SLC28A2: variants seen among roughly 807,000 people sequenced by gnomAD.
SLC28A2 encodes the protein sodium/nucleoside cotransporter 2.
SLC28A2 carries 69 observed loss-of-function variants against 72.9 expected under a neutral mutation model. The observed-to-expected ratio is 0.95, with a 90% CI of 0.78 to 1.16. The LOEUF is 1.16. SLC28A2 is among the 50% of genes most tolerant of loss of function. The pLI is 0.00. For synonymous variants in SLC28A2, 296 were observed against 294.1 expected, an observed-to-expected ratio of 1.01 and a Z score of -0.07; for missense variants, 745 against 791.1, an observed-to-expected ratio of 0.94 and a Z score of 0.70.
At chr15:45,259,183 A>G (rs1900070826) in intron 3 of SLC28A2, among the ~76,000 whole-genome samples, 1 of 152,194 alleles carries the variant, frequency 6.6e-6, no homozygotes, top group Admixed American at 6.5e-5. Flanking sequence ...ATGATGAAAT[A>G]CAAACAAGAG....
At chr15:45,273,498 T>C (rs1276256347) in intron 17 of SLC28A2, among the ~76,000 whole-genome samples, 2 of 152,166 alleles carry the variant, frequency 1.3e-5, no homozygotes, top group African/African-American at 4.8e-5. Context: ...GGTGGTGATA[T>C]ATGCGTGAGT....
At chr15:45,270,685 TG>T (rs1203436589) in intron 15 of SLC28A2, among the ~76,000 whole-genome samples, 1 of 152,072 alleles carries the variant, frequency 6.6e-6, no homozygotes, top group Non-Finnish European at 1.5e-5. Flanking sequence ...TGGAGTGCAG[TG>T]GTGTGATCTC....
chr15:45,264,644 A>G lies in SLC28A2; in HGVS notation c.589-11A>G. ...GAACTCACATTGAAATAATATTCTTATTGATCCTAGGTGTCCTGGAGGACA... is the reference window on the plus strand; with the variant it reads ...GAACTCACATTGAAATAATATTCTTGTTGATCCTAGGTGTCCTGGAGGACA... On this transcript the variant is annotated splice_polypyrimidine_tract_variant and intron_variant, in intron 6 of 17. Transcript: ENST00000347644. 1 of 1,550,794 alleles carries G rather than the reference A, an allele frequency of 6.4e-7. No homozygotes were observed. The highest frequency in any genetic ancestry group is 8.9e-7 in the Non-Finnish European group (1 of 1,122,622).
intron 4 of SLC28A2, among the ~76,000 whole-genome samples, chr15:45,262,840 C>T (rs1292834103): frequency 6.6e-6 from 1 of 152,182 alleles, no homozygotes; most frequent in Non-Finnish European, 1.5e-5. Flanking sequence ...AATATGCAGT[C>T]TTTGCATTAA....
At chr15:45,269,603 A>C in intron 14 of SLC28A2, 68 bp downstream of exon 14, 5 of 1,420,662 alleles carry the variant, frequency 3.5e-6, no homozygotes, top group Middle Eastern at 1.8e-4. Context: ...GGTAGACAGA[A>C]AGTGCCAAAC....
intron 17 of SLC28A2, 77 bp downstream of exon 17, chr15:45,272,861 G>A (rs1255879603): frequency 1.3e-6 from 1 of 773,618 alleles, no homozygotes; most frequent in Admixed American, 1.9e-5. Flanking sequence ...AGGTTGCATA[G>A]AGTGTATAAG....
At position 45,265,793 on chromosome 15, in the gene SLC28A2, C is replaced by T; in HGVS notation, c.861+130C>T. 5.6e-6 allele frequency: 4 copies of T among 719,860 alleles called. No homozygotes were observed. The South Asian group carries it at 6.1e-5, about 11-fold the overall frequency. 44.6% of individuals were successfully genotyped at this position (719,860 alleles called of 1,614,324 possible). Reference sequence around the variant, plus strand: ...GAAAAGGCAGGCCCTCTCAAGCATGCCTGATAGCAAACTGTCAGCCGAGGC... The same window carrying T: ...GAAAAGGCAGGCCCTCTCAAGCATGTCTGATAGCAAACTGTCAGCCGAGGC... On this transcript the variant is annotated intron_variant, in intron 9 of 17. Transcript: ENST00000347644.
Position 45,272,294 on chromosome 15 carries a change from G to C in SLC28A2, c.1649-1G>C. The stretch of plus-strand genomic sequence containing the variant: ...AAGTTATTTTATTTTATTGTCTGCA[G>C]CATCAATAGTACCTCACCGGAAGAG... On this transcript the variant is annotated splice_acceptor_variant, in intron 15 of 17. Transcript: ENST00000347644. LOFTEE classifies it high-confidence loss of function. The C allele has an allele frequency of 6.2e-7, 1 of 1,612,914 alleles. No individual in the cohort carries two copies. The highest frequency in any genetic ancestry group is 8.5e-7 in the Non-Finnish European group (1 of 1,179,618).
Position 45,264,004 on chromosome 15 carries a change from C to T in SLC28A2, c.570C>T (p.Cys190=), listed in dbSNP as rs754787748. 2 of 1,612,722 alleles carry T rather than the reference C, an allele frequency of 1.2e-6. No homozygotes were observed. Among genetic ancestry groups the T allele is most frequent in the South Asian group, 2.2e-5 (2 of 90,500 alleles). ...ICMFILILFA[C]SKHHSAVSWR... ...TGTTCATCCTTATCCTCTTTGCCTGCTCCAAACACCACAGCGCAGTGAGTT... is the reference window on the plus strand; with the variant it reads ...TGTTCATCCTTATCCTCTTTGCCTGTTCCAAACACCACAGCGCAGTGAGTT... The change falls in exon 6 of 18, where the codon TGC becomes TGT. Residue 190 remains cysteine, a synonymous_variant. Transcript: ENST00000347644.
At position 45,265,615 on chromosome 15, in the gene SLC28A2, G is replaced by A; in HGVS notation, c.813G>A (p.Val271=). 1 of 1,613,704 alleles carries A rather than the reference G, an allele frequency of 6.2e-7. No individual in the cohort carries two copies. Among genetic ancestry groups the A allele is most frequent in the Non-Finnish European group, 8.5e-7 (1 of 1,179,632 alleles). Residue 271 remains valine (V), a synonymous_variant, in exon 9 of 18, where the codon GTG becomes GTA. Transcript: ENST00000347644. The part of the protein sequence containing the change: ...ALPIIIFFGC[V]VSILYYLGLV... ...CAATCATCATTTTCTTTGGATGTGT[G>A]GTGTCCATTCTCTACTACCTGGGCC... is the stretch of plus-strand genomic sequence containing the variant.
At chr15:45,264,430 C>A (rs1374770055) in intron 6 of SLC28A2, among the ~76,000 whole-genome samples, 1 of 152,184 alleles carries the variant, frequency 6.6e-6, no homozygotes, top group African/African-American at 2.4e-5. Flanking sequence ...GTATAAGTGT[C>A]ATCTAACCTC....
chr15:45,258,651 C>A (rs1360489688), intron 3 of SLC28A2, among the ~76,000 whole-genome samples: 2 of 152,072 alleles, frequency 1.3e-5, no homozygotes, highest in Admixed American at 1.3e-4. Flanking sequence ...TTTGGAGATT[C>A]TTCCATATTA....
Position 45,257,943 on chromosome 15 carries a change from G to A in SLC28A2, c.171-4072G>A, listed in dbSNP as rs142616562. Among the ~76,000 whole-genome samples the A allele has an allele frequency of 1.3e-4, 20 of 152,316 alleles. 1 individual carries two copies. In the East Asian group the frequency reaches 3.7e-3, roughly 28 times the overall value. On this transcript the variant is annotated intron_variant, in intron 3 of 17. Transcript: ENST00000347644. ...TTTCCTTTAAAAAATATTCCTTGGG[G>A]CTGGGCATGGTGGCTCATGCCTGTA...
Position 45,267,516 on chromosome 15 carries a change from C to T in SLC28A2, c.1004C>T (p.Ala335Val), listed in dbSNP as rs200711174. ...LGDMTLSEIH[A>V]VMTGGFATIS... Reference sequence around the variant, plus strand: ...GACATGACACTCTCTGAAATCCATGCGGTGATGACTGGAGGGTTTGCCACC... The same window carrying T: ...GACATGACACTCTCTGAAATCCATGTGGTGATGACTGGAGGGTTTGCCACC... Residue 335 changes from alanine (A) to valine (V), a missense_variant, in exon 11 of 18, where the codon GCG becomes GTG. Transcript: ENST00000347644. 8.8e-5 allele frequency: 142 copies of T among 1,614,006 alleles called. No individual in the cohort carries two copies. Among genetic ancestry groups the T allele is most frequent in the Non-Finnish European group, 1.0e-4 (122 of 1,180,002 alleles).
Position 45,275,441 on chromosome 15 carries a change from G to A in SLC28A2, c.1905G>A (p.Trp635Ter). ...GTNPPSFSGP[W>*]EDKEFSAMAL... is the part of the protein sequence containing the mutation. ...ACCCTCCTTCTTTTTCTGGTCCCTG[G>A]GAAGATAAGGAGTTCAGTGCTATGG... Residue 635 changes from tryptophan (W) to a stop codon, truncating the protein, a stop_gained, in exon 18 of 18, where the codon TGG (tryptophan) becomes TGA (stop). Coordinates refer to ENST00000347644, the MANE Select transcript of SLC28A2 (RefSeq NM_004212.4). LOFTEE classifies it high-confidence loss of function. 6.2e-7 allele frequency: 1 copy of A among 1,613,896 alleles called. No homozygotes were observed. The highest frequency in any genetic ancestry group is 8.5e-7 in the Non-Finnish European group (1 of 1,179,828).
intron 1 of SLC28A2, among the ~76,000 whole-genome samples, chr15:45,252,756 T>G (rs1361003234): frequency 6.6e-6 from 1 of 152,220 alleles, no homozygotes; most frequent in African/African-American, 2.4e-5. Context: ...AGCAATACTT[T>G]AGGGTCCGGG....
chr15:45,267,561 G>C lies in SLC28A2; in HGVS notation c.1049G>C (p.Gly350Ala). 1 of 1,614,156 alleles carries C rather than the reference G, an allele frequency of 6.2e-7. No individual in the cohort carries two copies. The highest frequency in any genetic ancestry group is 8.5e-7 in the Non-Finnish European group (1 of 1,180,030). The change falls in exon 11 of 18, where the codon GGA becomes GCA. Residue 350 changes from glycine (G) to alanine (A), a missense_variant. Coordinates refer to ENST00000347644, the MANE Select transcript of SLC28A2 (RefSeq NM_004212.4). ...GCCACCATTTCTGGCACTGTGCTGG[G>C]AGCCTTCATAGCCTTTGGGGTAGGC... The part of the protein sequence containing the change: ...GFATISGTVL[G>A]AFIAFGVDAS...
At chr15:45,265,922 C>A in intron 9 of SLC28A2, 159 bp from the exon 10 acceptor site, 1 of 640,806 alleles carries the variant, frequency 1.6e-6, no homozygotes, top group Non-Finnish European at 2.8e-6. Context: ...GAGTTCTGGT[C>A]AAGGCTCTGT....
chr15:45,273,301 A>G (rs1190551720), intron 17 of SLC28A2, among the ~76,000 whole-genome samples: 1 of 152,262 alleles, frequency 6.6e-6, no homozygotes, highest in Non-Finnish European at 1.5e-5. Context: ...GAGAGAGGAT[A>G]AAGTTGAATT....
Sources: allele counts gnomAD v4.1 joint callset (sites outside exome capture counted in the v4.1 genomes callset), GRCh38; gene constraint gnomAD v4.1.1; transcripts MANE v1.5; gene names NCBI Gene and HGNC (gene_info 2026-07-23, HGNC 2026-07-21).